EBF1: variants seen among roughly 807,000 people sequenced by gnomAD.
The protein encoded by EBF1 is EBF transcription factor 1.
Under a neutral mutation model 68.4 loss-of-function variants are expected in EBF1, and 10 were observed. The observed-to-expected ratio is 0.15, with a 90% CI of 0.09 to 0.25. The LOEUF (loss-of-function observed/expected upper bound fraction) is 0.25. Among genes scored for constraint, EBF1 ranks in the 10% least tolerant of loss-of-function variants. EBF1 has a pLI of 1.00. For missense variants in EBF1, 509 were observed against 794.4 expected (o/e 0.64, Z 4.32); for synonymous variants, 298 against 299.8 (o/e 0.99, Z 0.06).
At chr5:158,724,464 T>C (rs901158879) in intron 11 of EBF1, among the ~76,000 whole-genome samples, 6 of 152,176 alleles carry the variant, frequency 3.9e-5, no homozygotes, top group South Asian at 2.1e-4. Flanking sequence ...TGCAAAGATA[T>C]CTTATTTGTA....
chr5:159,021,087 T>A (rs1256710868), intron 6 of EBF1, among the ~76,000 whole-genome samples: 1 of 152,242 alleles, frequency 6.6e-6, no homozygotes, highest in Non-Finnish European at 1.5e-5. Flanking sequence ...GCCATGTTCA[T>A]TATTCGAGCT....
chr5:158,829,200 AG>A (rs1252510519), intron 7 of EBF1, among the ~76,000 whole-genome samples: 1 of 152,166 alleles, frequency 6.6e-6, no homozygotes, highest in Non-Finnish European at 1.5e-5. Context: ...TTTTTGAGAC[AG>A]GGTCCTGCTC....
intron 6 of EBF1, among the ~76,000 whole-genome samples, chr5:158,879,978 C>T (rs946741416): frequency 6.6e-6 from 1 of 152,198 alleles, no homozygotes; most frequent in African/African-American, 2.4e-5. Context: ...CCTCATTTTA[C>T]ACACACAGAG....
chr5:158,996,374 A>G (rs1209148289), intron 6 of EBF1, among the ~76,000 whole-genome samples: 1 of 152,194 alleles, frequency 6.6e-6, no homozygotes, highest in Non-Finnish European at 1.5e-5. Flanking sequence ...TGAAATTTTT[A>G]ACTAACTCTC....
intron 6 of EBF1, among the ~76,000 whole-genome samples, chr5:158,900,872 G>A (rs544217854): frequency 5.9e-5 from 9 of 151,424 alleles, no homozygotes; most frequent in East Asian, 5.8e-4. Context: ...GACTTGAAAC[G>A]TGGTCTCTCT....
chr5:158,950,393 C>G (rs1815707901), intron 6 of EBF1, among the ~76,000 whole-genome samples: 1 of 152,176 alleles, frequency 6.6e-6, no homozygotes, highest in Non-Finnish European at 1.5e-5. Context: ...AAACTTCAGT[C>G]CAGGCAGAGC....
chr5:158,993,459 A>G (rs1158292621), intron 6 of EBF1, among the ~76,000 whole-genome samples: 1 of 152,158 alleles, frequency 6.6e-6, no homozygotes, highest in Non-Finnish European at 1.5e-5. Context: ...AGTTTCTTAA[A>G]ATCCTAGTGT....
intron 11 of EBF1, among the ~76,000 whole-genome samples, chr5:158,719,815 T>C (rs1025841107): frequency 2.0e-5 from 3 of 152,120 alleles, no homozygotes; most frequent in African/African-American, 7.2e-5. Flanking sequence ...ACTCCGCCCA[T>C]AAAATTAAAG....
chr5:159,083,812 A>G lies in EBF1; in HGVS notation c.485+854T>C, dbSNP rs566946950. ...GCAATTAGTAGCCTTTCTCTGATGCACAGTGGCATCTTCATGCTTTATCCA... is the reference window on the plus strand; with the variant it reads ...GCAATTAGTAGCCTTTCTCTGATGCGCAGTGGCATCTTCATGCTTTATCCA... On this transcript the variant is annotated intron_variant, in intron 5 of 15. Transcript: ENST00000313708. 2.5e-4 allele frequency among the ~76,000 whole-genome samples: 38 copies of G among 152,386 alleles called. 1 individual carries two copies. Among genetic ancestry groups the G allele is most frequent in the African/African-American group, 8.7e-4 (36 of 41,594 alleles).
At chr5:158,980,356 C>T (rs1446783225) in intron 6 of EBF1, among the ~76,000 whole-genome samples, 1 of 152,164 alleles carries the variant, frequency 6.6e-6, no homozygotes, top group African/African-American at 2.4e-5. Context: ...TAACTGCTGG[C>T]ACGCTCTCTA....
At chr5:158,937,992 C>T (rs1161560773) in intron 6 of EBF1, among the ~76,000 whole-genome samples, 1 of 152,168 alleles carries the variant, frequency 6.6e-6, no homozygotes, top group East Asian at 1.9e-4. Flanking sequence ...AATAATGTCT[C>T]GTCGTGGACC....
In EBF1 at chr5:159,073,412, G is replaced by A; in HGVS notation, c.538C>T (p.Pro180Ser). The A allele has an allele frequency of 6.2e-7, 1 of 1,614,106 alleles. No homozygotes were observed. The highest frequency in any genetic ancestry group is 8.5e-7 in the Non-Finnish European group (1 of 1,179,960). Reference protein sequence around the residue: ...CGNRNETPSDPVIIDRFFLKF... With the variant: ...CGNRNETPSDSVIIDRFFLKF... ...GGTCCCTACCTGTCAATTATCACTG[G>A]ATCTGAGGGAGTCTCATTTCGGTTG... The change falls in exon 6 of 16, where the codon CCA becomes TCA. Residue 180 changes from proline to serine, a missense_variant. Pro to Ser is a moderately conservative substitution (Grantham distance 74). Transcript: ENST00000313708.
At chr5:158,927,408 C>T (rs1809924380) in intron 6 of EBF1, among the ~76,000 whole-genome samples, 2 of 152,100 alleles carry the variant, frequency 1.3e-5, no homozygotes, top group Non-Finnish European at 2.9e-5. Context: ...TCCCGGAGCC[C>T]CAAACAGTGC....
intron 6 of EBF1, among the ~76,000 whole-genome samples, chr5:158,950,361 C>T (rs1210068903): frequency 1.3e-5 from 2 of 152,208 alleles, no homozygotes; most frequent in South Asian, 2.1e-4. Context: ...CTGTTCTTCA[C>T]ACTGCCATTT....
chr5:158,699,151 GAA>G lies in EBF1; in HGVS notation c.1745-11_1745-10del, dbSNP rs1416337615. 6.3e-7 allele frequency: 1 copy of G among 1,596,598 alleles called. No homozygotes were observed. Among genetic ancestry groups the G allele is most frequent in the African/African-American group, 1.4e-5 (1 of 73,836 alleles). Reference sequence around the variant, plus strand: ...AATCATGCCAGATATCGCTATGAAAGAAAAGACAGAAGTCAATGGTTTCTTTG... The same window carrying G: ...AATCATGCCAGATATCGCTATGAAAGAAGACAGAAGTCAATGGTTTCTTTG... On this transcript the variant is annotated splice_polypyrimidine_tract_variant and intron_variant, in intron 15 of 15. Coordinates refer to ENST00000313708, the MANE Select transcript of EBF1 (RefSeq NM_024007.5).
At chr5:159,006,104 A>G (rs966880810) in intron 6 of EBF1, among the ~76,000 whole-genome samples, 9 of 152,218 alleles carry the variant, frequency 5.9e-5, no homozygotes, top group African/African-American at 2.2e-4. Context: ...GGAGAATTCA[A>G]TTAGAAACTC....
At chr5:158,817,362 C>T (rs1273226762) in intron 8 of EBF1, among the ~76,000 whole-genome samples, 2 of 152,102 alleles carry the variant, frequency 1.3e-5, no homozygotes, top group African/African-American at 4.8e-5. Context: ...GAGGTAGGAC[C>T]TTTAAGAAGT....
intron 6 of EBF1, among the ~76,000 whole-genome samples, chr5:158,963,112 C>A (rs1753375483): frequency 6.6e-6 from 1 of 152,134 alleles, no homozygotes; most frequent in African/African-American, 2.4e-5. Context: ...TGGCTTATAG[C>A]TTATATTTTC....
intron 6 of EBF1, among the ~76,000 whole-genome samples, chr5:158,908,999 G>A (rs1030572606): frequency 6.6e-6 from 1 of 152,156 alleles, no homozygotes; most frequent in Non-Finnish European, 1.5e-5. Context: ...TTATTTAAAG[G>A]AGATTTATGG....
Sources: gnomAD v4.1 joint callset for allele counts (sites outside exome capture counted in the v4.1 genomes callset) on GRCh38, gnomAD v4.1.1 for gene constraint, MANE v1.5 for transcripts, NCBI Gene and HGNC (gene_info 2026-07-23, HGNC 2026-07-21) for gene names.